The following DOCK1 variants were observed in gnomAD, a reference collection of about 807,000 sequenced individuals.
The protein encoded by DOCK1 is dedicator of cytokinesis 1.
DOCK1 carries 138 observed loss-of-function variants against 262.7 expected under a neutral mutation model. The ratio of observed to expected loss-of-function variants is 0.53; its 90% CI spans 0.46 to 0.61. DOCK1 has a LOEUF of 0.61. DOCK1 is among the 20% of genes least tolerant of loss of function. The pLI is 0.00. For synonymous variants in DOCK1, 866 were observed against 867.4 expected, an observed-to-expected ratio of 1.00 and a Z score of 0.03; for missense variants, 1,908 against 2,370.7, an observed-to-expected ratio of 0.80 and a Z score of 4.05.
chr10:127,380,897 G>A (rs547594366), intron 36 of DOCK1, among the ~76,000 whole-genome samples: 4 of 152,072 alleles, frequency 2.6e-5, no homozygotes, highest in Admixed American at 1.3e-4. Flanking sequence ...AAATTCTTTC[G>A]ATCACATTGA....
At chr10:127,347,661 G>A (rs2063695840) in intron 31 of DOCK1, among the ~76,000 whole-genome samples, 1 of 151,276 alleles carries the variant, frequency 6.6e-6, no homozygotes, top group Non-Finnish European at 1.5e-5. Flanking sequence ...GCCCCGTGGA[G>A]CTTGATGCAT....
intron 38 of DOCK1, 43 bp downstream of exon 38, chr10:127,384,952 G>T (rs2066024905): frequency 2.6e-6 from 4 of 1,527,354 alleles, no homozygotes; most frequent in Non-Finnish European, 3.5e-6. Flanking sequence ...CTCTTTCCAT[G>T]CACCTACCTG....
At chr10:127,401,307 C>CA (rs1272242122) in intron 38 of DOCK1, among the ~76,000 whole-genome samples, 2 of 152,188 alleles carry the variant, frequency 1.3e-5, no homozygotes, top group African/African-American at 4.8e-5. Flanking sequence ...CCTCAGTTCT[C>CA]ACCTTGTCAG....
chr10:127,168,529 A>G (rs1237949959), intron 27 of DOCK1, among the ~76,000 whole-genome samples: 1 of 152,206 alleles, frequency 6.6e-6, no homozygotes, highest in Non-Finnish European at 1.5e-5. Flanking sequence ...CCACAAGATC[A>G]TTTTCAGGAC....
At chr10:127,063,877 C>T (rs138140732) in intron 23 of DOCK1, among the ~76,000 whole-genome samples, 7 of 152,294 alleles carry the variant, frequency 4.6e-5, no homozygotes, top group Admixed American at 2.6e-4. Context: ...AATTGAGTGA[C>T]GTGTGTGCAT....
intron 23 of DOCK1, among the ~76,000 whole-genome samples, chr10:127,078,442 A>G (rs1418792745): frequency 6.6e-6 from 1 of 152,052 alleles, no homozygotes; most frequent in Non-Finnish European, 1.5e-5. Context: ...CTTTCCACTC[A>G]GCTGCCTGGG....
intron 27 of DOCK1, among the ~76,000 whole-genome samples, chr10:127,218,649 A>G (rs1023927941): frequency 2.6e-5 from 4 of 152,216 alleles, no homozygotes; most frequent in African/African-American, 7.2e-5. Context: ...TTGGTGCCAT[A>G]TTAAAATACA....
rs10663938 is a variant in DOCK1, at chr10:127,452,305, A to AACACACACAC, written c.*892_*901dup. 3 of 149,420 alleles carry AACACACACAC rather than the reference A, an allele frequency of 2.0e-5. No homozygotes were observed. Among genetic ancestry groups the AACACACACAC allele is most frequent in the Admixed American group, 1.3e-4 (2 of 14,904 alleles). The allele number at this position is 149,420 out of a possible 1,614,324, so 9.3% of individuals were successfully genotyped here. A position where few individuals can be genotyped will look rare whatever the true frequency, so the allele number is the denominator to read the frequency against. ...AATTTTTAACTGCTGGAAGTGTTAA[A>AACACACACAC]ACACACACACACACACACACACATT... On this transcript the variant is annotated 3_prime_UTR_variant, in exon 52 of 52. Transcript: ENST00000623213.
intron 1 of DOCK1, among the ~76,000 whole-genome samples, chr10:126,914,828 G>T (rs180732454): frequency 1.3e-5 from 2 of 152,322 alleles, no homozygotes; most frequent in East Asian, 1.9e-4. Flanking sequence ...CAAAGTGGGC[G>T]GTGGGGAGGG....
intron 27 of DOCK1, among the ~76,000 whole-genome samples, chr10:127,164,462 C>T (rs868182145): frequency 2.6e-5 from 4 of 152,216 alleles, no homozygotes; most frequent in Middle Eastern, 3.4e-3. Context: ...GGATTACAGG[C>T]GTGAGCCACT....
intron 27 of DOCK1, among the ~76,000 whole-genome samples, chr10:127,180,263 G>A (rs2055599939): frequency 6.6e-6 from 1 of 152,200 alleles, no homozygotes; most frequent in South Asian, 2.1e-4. Context: ...CTGAGTGAAT[G>A]TTGCCTTGAA....
intron 10 of DOCK1, among the ~76,000 whole-genome samples, chr10:127,003,383 A>G (rs1197749733): frequency 2.0e-5 from 3 of 152,206 alleles, no homozygotes; most frequent in Non-Finnish European, 2.9e-5. Context: ...ACCTGTGTGA[A>G]GTGCTTCAGA....
chr10:127,233,747 T>C (rs764174403), intron 27 of DOCK1, among the ~76,000 whole-genome samples: 25 of 152,370 alleles, frequency 1.6e-4, no homozygotes, highest in Middle Eastern at 3.4e-3. Flanking sequence ...ATTCCCTTTC[T>C]AGGAAATAAG....
At chr10:127,190,099 A>G (rs2056607217) in intron 27 of DOCK1, among the ~76,000 whole-genome samples, 1 of 152,180 alleles carries the variant, frequency 6.6e-6, no homozygotes, top group Admixed American at 6.5e-5. Flanking sequence ...ACATTTTCTC[A>G]ATTCTCCTTA....
At chr10:127,279,642 G>T (rs2060871530) in intron 29 of DOCK1, among the ~76,000 whole-genome samples, 1 of 152,112 alleles carries the variant, frequency 6.6e-6, no homozygotes, top group Non-Finnish European at 1.5e-5. Flanking sequence ...TACAGGGCTG[G>T]TCCTCACCTT....
At chr10:127,245,419 C>T (rs140229317) in intron 27 of DOCK1, among the ~76,000 whole-genome samples, 2 of 152,354 alleles carry the variant, frequency 1.3e-5, no homozygotes, top group Non-Finnish European at 2.9e-5. Flanking sequence ...GCCCATCCTT[C>T]TGGCCCTTCT....
chr10:127,223,318 A>G (rs1351923003), intron 27 of DOCK1, among the ~76,000 whole-genome samples: 2 of 152,238 alleles, frequency 1.3e-5, no homozygotes, highest in East Asian at 1.9e-4. Flanking sequence ...GTAAAAATCT[A>G]TTTTTCCTAT....
chr10:127,289,479 A>C (rs868041319), intron 29 of DOCK1, among the ~76,000 whole-genome samples: 5 of 152,150 alleles, frequency 3.3e-5, no homozygotes, highest in African/African-American at 9.7e-5. Context: ...GATTCTTTGC[A>C]GTGGGTTGAT....
chr10:127,299,728 C>T (rs986408449), intron 29 of DOCK1, among the ~76,000 whole-genome samples: 14 of 152,226 alleles, frequency 9.2e-5, no homozygotes, highest in Admixed American at 2.6e-4. Flanking sequence ...GTCATCTCTC[C>T]GTGTGACTGG....
Sources: allele counts gnomAD v4.1 joint callset (sites outside exome capture counted in the v4.1 genomes callset), GRCh38; gene constraint gnomAD v4.1.1; transcripts MANE v1.5; gene names NCBI Gene and HGNC (gene_info 2026-07-23, HGNC 2026-07-21).